Variants in STAB2 observed in about 807,000 individuals in gnomAD.
STAB2 encodes stabilin-2.
In STAB2, 288 loss-of-function variants were observed where a neutral mutation model predicts 338.1. The observed-to-expected ratio is 0.85, with a 90% CI of 0.77 to 0.94. The LOEUF is 0.94. Among genes scored for constraint, STAB2 ranks in the 40% least tolerant of loss-of-function variants. The pLI is 0.00. For synonymous variants in STAB2, 1,202 were observed against 1,193.3 expected (o/e 1.01, Z -0.15); for missense variants, 3,141 against 3,210.1 (o/e 0.98, Z 0.52).
chr12:103,636,464 A>G (rs1279334261), intron 6 of STAB2, among the ~76,000 whole-genome samples: 1 of 151,686 alleles, frequency 6.6e-6, no homozygotes, highest in East Asian at 1.9e-4. Context: ...CATTTTTTAA[A>G]AAAAATAGGT....
Position 103,762,403 on chromosome 12 carries a change from G to A in STAB2, c.7488+1G>A. The A allele has an allele frequency of 6.2e-7, 1 of 1,614,226 alleles. No homozygotes were observed. Among genetic ancestry groups the A allele is most frequent in the Non-Finnish European group, 8.5e-7 (1 of 1,180,042 alleles). On this transcript the variant is annotated splice_donor_variant, in intron 67 of 68. Transcript: ENST00000388887. LOFTEE classifies it high-confidence loss of function. ...AACAATCGGCTTCCAGCATTTTGAG[G>A]TAAGAGAGAAAAATGGGAACATGAT...
At chr12:103,745,643 C>T (rs924836859) in intron 57 of STAB2, among the ~76,000 whole-genome samples, 5 of 152,024 alleles carry the variant, frequency 3.3e-5, no homozygotes, top group African/African-American at 4.8e-5. Context: ...TTTGAAGGCC[C>T]GAGACCAGGG....
Position 103,715,664 on chromosome 12 carries a change from T to C in STAB2, c.4538-151T>C, listed in dbSNP as rs1344191709. On this transcript the variant is annotated intron_variant, in intron 42 of 68. Transcript: ENST00000388887. ...CATATACAGTACCCTCCTAGTTCAG[T>C]TATTTCTGTCTCAGAACTTCCAGAA... The C allele has an allele frequency of 7.4e-6, 6 of 812,850 alleles. No individual in the cohort carries two copies. The East Asian group carries it at 1.6e-4, about 22-fold the overall frequency. 50.4% of individuals were successfully genotyped at this position (812,850 alleles called of 1,614,324 possible). A position where few individuals can be genotyped will look rare whatever the true frequency, so the allele number is the denominator to read the frequency against.
At chr12:103,756,993 G>GA (rs146893760) in intron 63 of STAB2, among the ~76,000 whole-genome samples, 31 of 15,258 alleles carry the variant, frequency 2.0e-3, no homozygotes, top group African/African-American at 0.01. Context: ...CAGAAGGAGG[G>GA]AAAATATATA....
intron 47 of STAB2, among the ~76,000 whole-genome samples, chr12:103,728,275 C>T (rs1254014704): frequency 6.6e-6 from 1 of 152,066 alleles, no homozygotes; most frequent in Non-Finnish European, 1.5e-5. Flanking sequence ...CCTCAGCCTC[C>T]GGAGTAGTAT....
chr12:103,662,985 G>A lies in STAB2; in HGVS notation c.2009G>A (p.Arg670Lys), dbSNP rs943938704. The A allele has an allele frequency of 1.2e-6, 2 of 1,613,976 alleles. No individual in the cohort carries two copies. Among genetic ancestry groups the A allele is most frequent in the African/African-American group, 1.3e-5 (1 of 74,914 alleles). ...ILPHRCDETKREMKLGTCVSC... is the reference protein window; with the variant it reads ...ILPHRCDETKKEMKLGTCVSC... ...CCCCATCGATGTGATGAAACAAAGA[G>A]AGAGATGAAACTGGTAAGAAAACTA... The change falls in exon 18 of 69, where the codon AGA becomes AAA. Residue 670 changes from arginine (R) to lysine (K), a missense_variant. Coordinates refer to ENST00000388887, the MANE Select transcript of STAB2 (RefSeq NM_017564.10).
chr12:103,654,641 G>T lies in STAB2; in HGVS notation c.1494G>T (p.Leu498=). The T allele has an allele frequency of 4.3e-6, 7 of 1,614,176 alleles. No individual in the cohort carries two copies. Among genetic ancestry groups the T allele is most frequent in the Non-Finnish European group, 5.9e-6 (7 of 1,179,998 alleles). Residue 498 remains leucine (L), a synonymous_variant, in exon 13 of 69, where the codon CTG becomes CTT. Transcript: ENST00000388887. ...QGDIIASNGL[L]HILDRAMDKL... is the part of the protein sequence containing the mutation. ...ACATCATTGCTTCCAATGGGCTTCT[G>T]CACATCCTTGACAGAGCCATGGACA...
chr12:103,655,754 C>G (rs185017674), intron 15 of STAB2, among the ~76,000 whole-genome samples, 173 bp downstream of exon 15: 1 of 152,248 alleles, frequency 6.6e-6, no homozygotes, highest in African/African-American at 2.4e-5. Flanking sequence ...TGGAACTAAG[C>G]CTGGATGTGG....
Position 103,755,310 on chromosome 12 carries a change from C to T in STAB2, c.6723C>T (p.Tyr2241=). ...NQLSYAQKAK[Y]HLCSAGWLET... ...TGTCTGTATCCCTGCAGGCCAAGTA[C>T]CACCTGTGCTCAGCAGGCTGGCTGG... The change falls in exon 62 of 69, where the codon TAC becomes TAT. Residue 2241 remains tyrosine (Y), a synonymous_variant. Transcript: ENST00000388887. The T allele has an allele frequency of 6.2e-7, 1 of 1,613,946 alleles. No individual in the cohort carries two copies.
At chr12:103,739,572 T>TGTGTGTGTGTGTGTGTGC (rs373686630) in intron 54 of STAB2, 104 bp downstream of exon 54, 113 of 735,682 alleles carry the variant, frequency 1.5e-4, no homozygotes, top group Non-Finnish European at 1.8e-4. Flanking sequence ...TGTGTGTGTG[T>TGTGTGTGTGTGTGTGTGC]GCCCGTGCAC....
intron 52 of STAB2, among the ~76,000 whole-genome samples, 157 bp from the exon 53 acceptor site, chr12:103,737,477 G>A (rs60416626): frequency 0.12 from 17,739 of 152,016 alleles, 1,322 homozygotes; most frequent in South Asian, 0.2. Flanking sequence ...ATAAATATAT[G>A]AATACATGGG....
chr12:103,707,822 A>G lies in STAB2; in HGVS notation c.4193-619A>G, dbSNP rs141276929. On this transcript the variant is annotated intron_variant, in intron 38 of 68. Coordinates refer to ENST00000388887, the MANE Select transcript of STAB2 (RefSeq NM_017564.10). The stretch of plus-strand genomic sequence containing the variant: ...TGAATCATTATAATTGGGCCATATA[A>G]TATTTACTTGGAATTACAGTGTTGA... Among the ~76,000 whole-genome samples the G allele has an allele frequency of 2.6e-5, 4 of 152,356 alleles. No individual in the cohort carries two copies. In the East Asian group the frequency reaches 5.8e-4, roughly 22 times the overall value.
intron 63 of STAB2, chr12:103,757,948 G>A: frequency 3.3e-6 from 2 of 597,714 alleles, no homozygotes; most frequent in Non-Finnish European, 2.9e-6. Flanking sequence ...TGGAGGATGG[G>A]CTGTGACGTG....
rs762333573 is a variant in STAB2 at position 103,737,723 on chromosome 12, G to A, written c.5640G>A (p.Leu1880=). ...DLGVAYGIDC[L]LIDPTLGGRC... ...GTGTGGCCTACGGCATTGACTGTCT[G>A]CTGATTGATCCCACCCTGGGGGGCC... Residue 1880 remains leucine, a synonymous_variant, in exon 53 of 69, where the codon CTG becomes CTA. Transcript: ENST00000388887. The A allele has an allele frequency of 4.0e-5, 65 of 1,613,240 alleles. No homozygotes were observed. Among genetic ancestry groups the A allele is most frequent in the Admixed American group, 1.0e-4 (6 of 59,888 alleles).
intron 18 of STAB2, among the ~76,000 whole-genome samples, chr12:103,663,624 A>G (rs918476983): frequency 6.6e-6 from 1 of 152,188 alleles, no homozygotes; most frequent in Non-Finnish European, 1.5e-5. Flanking sequence ...CTGGGATTAC[A>G]GGCCTGAGCC....
At chr12:103,606,669 C>T (rs1258168935) in intron 3 of STAB2, among the ~76,000 whole-genome samples, 1 of 152,092 alleles carries the variant, frequency 6.6e-6, no homozygotes, top group Admixed American at 6.6e-5. Context: ...GTTTCCCTGT[C>T]TTTTCAGTTA....
chr12:103,683,434 T>G (rs764178546), intron 26 of STAB2, 134 bp downstream of exon 26: 2 of 704,260 alleles, frequency 2.8e-6, no homozygotes, highest in Non-Finnish European at 4.4e-6. Flanking sequence ...CTAAGCAGAA[T>G]GCGAGTAGTT....
chr12:103,763,762 C>T (rs1884712488), intron 68 of STAB2, 154 bp downstream of exon 68: 1 of 685,352 alleles, frequency 1.5e-6, no homozygotes, highest in Admixed American at 2.7e-5. Flanking sequence ...TGCAAGCTGA[C>T]TGAAGCCAGT....
intron 1 of STAB2, among the ~76,000 whole-genome samples, chr12:103,590,654 T>A (rs1956781643): frequency 6.6e-6 from 1 of 152,200 alleles, no homozygotes. Context: ...ATGGCAAATG[T>A]ATGGTACAAA....
Sources: allele counts gnomAD v4.1 joint callset (sites outside exome capture counted in the v4.1 genomes callset), GRCh38; gene constraint gnomAD v4.1.1; transcripts MANE v1.5; gene names NCBI Gene and HGNC (gene_info 2026-07-23, HGNC 2026-07-21).